ARHGAP24: variants seen among roughly 807,000 people sequenced by gnomAD.
ARHGAP24 encodes the protein Rho GTPase activating protein 24.
ARHGAP24 carries 50 observed loss-of-function variants against 76.4 expected under a neutral mutation model. The observed-to-expected ratio is 0.65, with a 90% CI of 0.52 to 0.83. The LOEUF (loss-of-function observed/expected upper bound fraction) is 0.83. Among genes scored for constraint, ARHGAP24 ranks in the 40% least tolerant of loss-of-function variants. The pLI, the probability that ARHGAP24 is intolerant of heterozygous loss-of-function variation, is 0.00. For synonymous variants in ARHGAP24, 345 were observed against 323.3 expected (o/e 1.07, Z -0.72); for missense variants, 930 against 914.2 (o/e 1.02, Z -0.22).
intron 1 of ARHGAP24, among the ~76,000 whole-genome samples, chr4:85,519,701 G>A (rs561941372): frequency 1.3e-5 from 2 of 152,198 alleles, no homozygotes; most frequent in South Asian, 2.1e-4. Flanking sequence ...GAAAATATTC[G>A]TTTCTGAAGA....
intron 1 of ARHGAP24, among the ~76,000 whole-genome samples, chr4:85,549,889 C>T (rs1406887804): frequency 6.6e-6 from 1 of 152,168 alleles, no homozygotes; most frequent in East Asian, 1.9e-4. Flanking sequence ...TGTCAGTTCT[C>T]TTAGCATAAT....
intron 2 of ARHGAP24, among the ~76,000 whole-genome samples, chr4:85,637,399 G>A (rs780109407): frequency 3.3e-5 from 5 of 151,962 alleles, no homozygotes; most frequent in Non-Finnish European, 5.9e-5. Flanking sequence ...AGGTGTTTTA[G>A]GTTAATTGAT....
chr4:85,753,982 T>A (rs1726374012), intron 3 of ARHGAP24, among the ~76,000 whole-genome samples: 1 of 152,230 alleles, frequency 6.6e-6, no homozygotes, highest in Admixed American at 6.5e-5. Flanking sequence ...CTATAATTTT[T>A]CTATTGCCCT....
intron 9 of ARHGAP24, among the ~76,000 whole-genome samples, chr4:85,997,838 T>C (rs1382165104): frequency 1.3e-5 from 2 of 151,834 alleles, no homozygotes; most frequent in Non-Finnish European, 2.9e-5. Flanking sequence ...TTTTTTCTTG[T>C]GGAGACAGGG....
intron 5 of ARHGAP24, among the ~76,000 whole-genome samples, chr4:85,966,685 G>A (rs368078331): frequency 3.3e-5 from 5 of 152,144 alleles, no homozygotes; most frequent in East Asian, 3.9e-4. Flanking sequence ...AGACCATTTC[G>A]TGGTAGCATT....
At chr4:85,961,124 T>C (rs774101248) in intron 5 of ARHGAP24, among the ~76,000 whole-genome samples, 23 of 152,082 alleles carry the variant, frequency 1.5e-4, no homozygotes, top group Non-Finnish European at 2.9e-4. Flanking sequence ...AAAGGATCCC[T>C]TCTAGCAAAG....
At chr4:85,816,947 A>G (rs1205637264) in intron 3 of ARHGAP24, among the ~76,000 whole-genome samples, 1 of 152,138 alleles carries the variant, frequency 6.6e-6, no homozygotes, top group African/African-American at 2.4e-5. Context: ...CTTTTTGATA[A>G]TAGACATTCT....
At chr4:85,936,718 G>A (rs1736654277) in intron 4 of ARHGAP24, among the ~76,000 whole-genome samples, 1 of 152,162 alleles carries the variant, frequency 6.6e-6, no homozygotes, top group South Asian at 2.1e-4. Flanking sequence ...TGGGTCTAGA[G>A]TAGGGGATGA....
chr4:85,728,299 A>G (rs75106682), intron 3 of ARHGAP24, among the ~76,000 whole-genome samples: 129 of 151,356 alleles, frequency 8.5e-4, no homozygotes, highest in Non-Finnish European at 1.5e-3. Flanking sequence ...GACTTCAGAG[A>G]TTCCCTAAAA....
chr4:85,883,379 G>A (rs1434854780), intron 3 of ARHGAP24, among the ~76,000 whole-genome samples: 2 of 152,138 alleles, frequency 1.3e-5, no homozygotes, highest in Non-Finnish European at 2.9e-5. Context: ...TTTATGGAAT[G>A]GTTCCTCTCC....
intron 2 of ARHGAP24, among the ~76,000 whole-genome samples, chr4:85,648,729 AT>A (rs1284255225): frequency 6.6e-6 from 1 of 152,152 alleles, no homozygotes; most frequent in Non-Finnish European, 1.5e-5. Flanking sequence ...AAAATAAAAA[AT>A]GTCTCCGTTT....
intron 2 of ARHGAP24, among the ~76,000 whole-genome samples, chr4:85,714,520 C>T (rs1253904221): frequency 5.3e-5 from 8 of 151,958 alleles, no homozygotes; most frequent in Non-Finnish European, 1.2e-4. Context: ...AAAATAGTCT[C>T]ATACAATTAT....
chr4:85,565,116 A>C (rs1236088344), intron 1 of ARHGAP24, among the ~76,000 whole-genome samples: 1 of 151,628 alleles, frequency 6.6e-6, no homozygotes, highest in Non-Finnish European at 1.5e-5. Context: ...GGATATACCT[A>C]GCACGTAGAC....
intron 1 of ARHGAP24, among the ~76,000 whole-genome samples, chr4:85,566,891 A>C (rs1485704389): frequency 6.6e-6 from 1 of 152,208 alleles, no homozygotes; most frequent in Non-Finnish European, 1.5e-5. Context: ...CAAAACTTAG[A>C]TAAAAAGGAG....
At chr4:85,690,370 T>C (rs1723587444) in intron 2 of ARHGAP24, among the ~76,000 whole-genome samples, 1 of 152,222 alleles carries the variant, frequency 6.6e-6, no homozygotes, top group South Asian at 2.1e-4. Flanking sequence ...TTTTGAATAG[T>C]TTCAGTAGGA....
At chr4:85,916,334 T>G (rs745774224) in intron 3 of ARHGAP24, among the ~76,000 whole-genome samples, 2 of 152,132 alleles carry the variant, frequency 1.3e-5, no homozygotes, top group African/African-American at 2.4e-5. Context: ...ATGGATAGAT[T>G]GCAAAAATTT....
chr4:85,625,723 A>T (rs1720924189), intron 2 of ARHGAP24, among the ~76,000 whole-genome samples: 1 of 152,086 alleles, frequency 6.6e-6, no homozygotes, highest in South Asian at 2.1e-4. Flanking sequence ...TTTGTAGGTC[A>T]CTAAGGACTT....
chr4:85,717,630 T>G (rs1174727722), intron 2 of ARHGAP24, among the ~76,000 whole-genome samples: 1 of 152,120 alleles, frequency 6.6e-6, no homozygotes, highest in Non-Finnish European at 1.5e-5. Flanking sequence ...CTGCTTTGGT[T>G]GATGTTATTT....
chr4:85,570,364 CTCTTTCTT>C lies in ARHGAP24; in HGVS notation c.-20-111_-20-104del, dbSNP rs56272553. Among the ~76,000 whole-genome samples the C allele has an allele frequency of 2.3e-3, 326 of 140,048 alleles. 5 individuals carry two copies. Among genetic ancestry groups the C allele is most frequent in the African/African-American group, 8.2e-3 (304 of 37,114 alleles). 91.9% of individuals were successfully genotyped at this position (140,048 alleles called of 152,430 possible). On this transcript the variant is annotated intron_variant, in intron 1 of 9. Transcript: ENST00000395184. The stretch of plus-strand genomic sequence containing the variant: ...TTTTTTCTTTCTTCTTTCTTTCTTT[CTCTTTCTT>C]TCTTTCTTTCTTTCTTTCTTTCTTT...
Sources: gnomAD v4.1 joint callset for allele counts (sites outside exome capture counted in the v4.1 genomes callset) on GRCh38, gnomAD v4.1.1 for gene constraint, MANE v1.5 for transcripts, NCBI Gene and HGNC (gene_info 2026-07-23, HGNC 2026-07-21) for gene names.